PRSS41: variants seen among roughly 807,000 people sequenced by gnomAD.
The protein encoded by PRSS41 is serine protease 41.
PRSS41 carries 37 observed loss-of-function variants against 28.8 expected under a neutral mutation model. The ratio of observed to expected loss-of-function variants is 1.29; its 90% CI spans 0.99 to 1.69. The LOEUF (loss-of-function observed/expected upper bound fraction) is 1.69, where lower values mean the gene tolerates loss of function less well. Ranked by LOEUF, PRSS41 falls within the 40% of genes most tolerant of loss-of-function variation. PRSS41 has a pLI of 0.00. For synonymous variants in PRSS41, 195 were observed against 163.1 expected (o/e 1.20, Z -1.49); for missense variants, 431 against 400.7 (o/e 1.08, Z -0.65).
At chr16:2,805,181 G>GA in exon 6 of PRSS41, 1 of 1,446,044 alleles carries the variant, frequency 6.9e-7, no homozygotes, top group Non-Finnish European at 9.5e-7. Flanking sequence ...CTGCAGTGGG[G>GA]ACCACAGTAT....
exon 6 of PRSS41, chr16:2,804,966 T>G: frequency 1.9e-6 from 3 of 1,588,792 alleles, no homozygotes; most frequent in Non-Finnish European, 2.6e-6. Flanking sequence ...TGGTATCAGG[T>G]TGGAATCGTG....
rs1399932413 is a variant in PRSS41, at chr16:2,798,709, G to T, written c.91+47G>T. 1.0e-5 allele frequency: 14 copies of T among 1,403,194 alleles called. No individual in the cohort carries two copies. In the African/African-American group the frequency reaches 2.1e-4, roughly 21 times the overall value. 86.9% of individuals were successfully genotyped at this position (1,403,194 alleles called of 1,614,324 possible). On this transcript the variant is annotated intron_variant, in intron 2 of 5. Coordinates refer to ENST00000399677, the Ensembl canonical transcript of PRSS41. Reference sequence around the variant, plus strand: ...ATGCCAGCCAGGGCGGCTGGGCCGGGGTGCACGGGGGCCCATCTACTGCTC... The same window carrying T: ...ATGCCAGCCAGGGCGGCTGGGCCGGTGTGCACGGGGGCCCATCTACTGCTC...
intron 4 of PRSS41, 38 bp downstream of exon 4, chr16:2,799,607 G>A (rs2068973685): frequency 6.5e-7 from 1 of 1,541,596 alleles, no homozygotes. Flanking sequence ...TGATGGGGGT[G>A]CGGGGTGAGC....
chr16:2,805,207 G>C, exon 6 of PRSS41: 1 of 1,205,652 alleles, frequency 8.3e-7, no homozygotes, highest in Non-Finnish European at 1.2e-6. Flanking sequence ...CACCTCCTCT[G>C]GGCTGTGGGC....
At chr16:2,798,875 G>A in intron 2 of PRSS41, 84 bp from the exon 3 acceptor site, 17 of 1,400,212 alleles carry the variant, frequency 1.2e-5, no homozygotes, top group Non-Finnish European at 1.5e-5. Context: ...CCCGCTGCGC[G>A]CACCCCGGGG....
intron 4 of PRSS41, among the ~76,000 whole-genome samples, chr16:2,802,464 A>G (rs972730597): frequency 6.6e-6 from 1 of 151,964 alleles, no homozygotes; most frequent in South Asian, 2.1e-4. Flanking sequence ...GACACTCCTC[A>G]CTTCCCAGAC....
chr16:2,798,870 T>G, intron 2 of PRSS41, 89 bp from the exon 3 acceptor site: 1 of 1,384,356 alleles, frequency 7.2e-7, no homozygotes, highest in Non-Finnish European at 9.4e-7. Flanking sequence ...AGCCCCCCGC[T>G]GCGCGCACCC....
intron 4 of PRSS41, among the ~76,000 whole-genome samples, chr16:2,801,692 G>T (rs992069133): frequency 6.6e-6 from 1 of 151,748 alleles, no homozygotes; most frequent in Admixed American, 6.6e-5. Flanking sequence ...CAAGGCAGAA[G>T]AATTTTTCTT....
chr16:2,798,738 G>T, intron 2 of PRSS41, 76 bp downstream of exon 2: 1 of 1,332,412 alleles, frequency 7.5e-7, no homozygotes, highest in Non-Finnish European at 9.8e-7. Context: ...ACTGCTCTCT[G>T]TTCCAGGTCC....
intron 2 of PRSS41, 32 bp downstream of exon 2, chr16:2,798,694 G>T: frequency 7.0e-7 from 1 of 1,438,164 alleles, no homozygotes. Context: ...ATGCCAGCCA[G>T]GGCGGCTGGG....
chr16:2,801,836 G>C (rs1421717413), intron 4 of PRSS41, among the ~76,000 whole-genome samples: 2 of 151,292 alleles, frequency 1.3e-5, no homozygotes, highest in Non-Finnish European at 3.0e-5. Context: ...ATCATGGCCT[G>C]TTCTCAATGA....
intron 4 of PRSS41, among the ~76,000 whole-genome samples, chr16:2,801,877 T>C (rs1355267143): frequency 6.6e-6 from 1 of 151,156 alleles, no homozygotes; most frequent in African/African-American, 2.4e-5. Context: ...GACGGGGTGG[T>C]GGCCGGGCAG....
exon 6 of PRSS41, chr16:2,805,190 A>G: frequency 2.9e-6 from 4 of 1,371,616 alleles, no homozygotes; most frequent in Non-Finnish European, 4.0e-6. Context: ...GGACCACAGT[A>G]TTGGCTCACC....
exon 4 of PRSS41, chr16:2,799,442 G>C (rs1054397481): frequency 1.5e-5 from 24 of 1,552,226 alleles, no homozygotes; most frequent in Non-Finnish European, 2.1e-5. Flanking sequence ...TTGCCCTGCT[G>C]AGACTGGCCT....
chr16:2,803,329 T>C (rs1281087316), intron 4 of PRSS41, among the ~76,000 whole-genome samples: 5 of 152,218 alleles, frequency 3.3e-5, no homozygotes, highest in Admixed American at 2.0e-4. Flanking sequence ...TCTCCGTGTT[T>C]ATTTTGCTTT....
chr16:2,801,354 T>G (rs1387620227), intron 4 of PRSS41, among the ~76,000 whole-genome samples: 96 of 152,166 alleles, frequency 6.3e-4, no homozygotes, highest in African/African-American at 2.3e-3. Context: ...TTTTAATTTT[T>G]TTTTTATTGA....
rs1030801014 is a variant in PRSS41 at position 2,798,505 on chromosome 16, G to A, written c.21G>A (p.Leu7=). The stretch of plus-strand genomic sequence containing the variant: ...AGGCCATGGGCGCGCGCGGGGCGCT[G>A]CTGCTGGCGCTGCTGCTGGCTCGGG... Residue 7 remains leucine (L), a synonymous_variant, in exon 1 of 6, where the codon CTG becomes CTA. Coordinates refer to ENST00000399677, the Ensembl canonical transcript of PRSS41. The A allele has an allele frequency of 7.6e-6, 10 of 1,309,628 alleles. No homozygotes were observed. In the African/African-American group the frequency reaches 1.0e-4, roughly 13 times the overall value. 81.1% of individuals were successfully genotyped at this position (1,309,628 alleles called of 1,614,324 possible).
At chr16:2,801,292 G>T (rs1474115751) in intron 4 of PRSS41, among the ~76,000 whole-genome samples, 1 of 150,978 alleles carries the variant, frequency 6.6e-6, no homozygotes, top group Admixed American at 6.6e-5. Flanking sequence ...TTTTCTTGAT[G>T]ATTTGATTGT....
At chr16:2,799,149 C>A in intron 3 of PRSS41, 25 bp downstream of exon 3, 3 of 1,505,788 alleles carry the variant, frequency 2.0e-6, no homozygotes, top group Non-Finnish European at 2.7e-6. Context: ...CGGCCGGGGC[C>A]TCAGACTTGC....
Sources: gnomAD v4.1 joint callset for allele counts (sites outside exome capture counted in the v4.1 genomes callset) on GRCh38, gnomAD v4.1.1 for gene constraint, MANE v1.5 for transcripts, NCBI Gene and HGNC (gene_info 2026-07-23, HGNC 2026-07-21) for gene names.